Variants in TUSC3 observed in about 807,000 individuals in gnomAD.
TUSC3 encodes the protein dolichyl-diphosphooligosaccharide--protein glycosyltransferase subunit TUSC3.
Under a neutral mutation model 44.8 loss-of-function variants are expected in TUSC3, and 45 were observed. The observed-to-expected ratio is 1.00, with a 90% CI of 0.79 to 1.29. The LOEUF (loss-of-function observed/expected upper bound fraction) is 1.29, where lower values mean the gene tolerates loss of function less well. TUSC3 is among the 50% of genes most tolerant of loss of function. The pLI, the probability that TUSC3 is intolerant of heterozygous loss-of-function variation, is 0.00. For synonymous variants in TUSC3, 212 were observed against 152.9 expected, an observed-to-expected ratio of 1.39 and a Z score of -2.85; for missense variants, 519 against 437.9, an observed-to-expected ratio of 1.19 and a Z score of -1.65.
chr8:15,603,281 C>G (rs965596988), intron 1 of TUSC3, among the ~76,000 whole-genome samples: 1 of 151,652 alleles, frequency 6.6e-6, no homozygotes, highest in African/African-American at 2.4e-5. Context: ...CATTAAACAT[C>G]ATGGATATGA....
chr8:15,446,554 C>G (rs1233787241), intron 1 of TUSC3, among the ~76,000 whole-genome samples: 2 of 151,964 alleles, frequency 1.3e-5, no homozygotes, highest in East Asian at 1.9e-4. Context: ...GGCGAAACCC[C>G]GTCTCCACCA....
chr8:15,483,748 C>G (rs182255567), intron 2 of TUSC3, among the ~76,000 whole-genome samples: 1 of 149,728 alleles, frequency 6.7e-6, no homozygotes, highest in Non-Finnish European at 1.5e-5. Context: ...CTCCGCCTCC[C>G]GAGTTCATGC....
At chr8:15,848,404 T>C in the TUSC3 span, among the ~76,000 whole-genome samples, 2 of 152,220 alleles carry the variant, frequency 1.3e-5, no homozygotes, top group African/African-American at 4.8e-5. Context: ...ACAGGATGTC[T>C]TTCCATGCTT....
intron 2 of TUSC3, among the ~76,000 whole-genome samples, chr8:15,528,539 A>G (rs4430095): frequency 0.91 from 138,022 of 152,188 alleles, 62,930 homozygotes; most frequent in South Asian, 0.96. Flanking sequence ...GCAAACTCAT[A>G]TCTGTCCAAG....
chr8:15,794,808 C>T, the TUSC3 span, among the ~76,000 whole-genome samples: 12 of 152,232 alleles, frequency 7.9e-5, 1 homozygote, highest in South Asian at 2.3e-3. Flanking sequence ...TTATACGAGA[C>T]AGCAAATACG....
At chr8:15,434,799 G>A (rs1216810594) in intron 1 of TUSC3, among the ~76,000 whole-genome samples, 2 of 151,670 alleles carry the variant, frequency 1.3e-5, no homozygotes, top group African/African-American at 4.9e-5. Flanking sequence ...GGTTTTTTGT[G>A]CTTGCAATAG....
intron 1 of TUSC3, among the ~76,000 whole-genome samples, chr8:15,614,288 C>A (rs142750696): frequency 2.6e-5 from 4 of 151,810 alleles, no homozygotes; most frequent in East Asian, 1.9e-4. Context: ...TGCCCACTAG[C>A]CTTTATGTAG....
rs189588036 is a variant in TUSC3 at position 15,446,324 on chromosome 8, G to T, written n.91+29019G>T. Among the ~76,000 whole-genome samples the T allele has an allele frequency of 3.6e-3, 545 of 152,038 alleles. 2 individuals are homozygous for T. The highest frequency in any genetic ancestry group is 0.012 in the African/African-American group (505 of 41,494). ...AGATGCTCCTTACTTCCCAGACGGG[G>T]TGGCGGCCGGGCAGAGGCTGCAATC... is the stretch of plus-strand genomic sequence containing the variant. On this transcript the variant is annotated intron_variant and non_coding_transcript_variant, in intron 1 of 5. Coordinates refer to the TUSC3 transcript ENST00000503191.
intron 6 of TUSC3, among the ~76,000 whole-genome samples, chr8:15,712,564 T>G (rs2129200306): frequency 6.6e-6 from 1 of 152,194 alleles, no homozygotes; most frequent in African/African-American, 2.4e-5. Flanking sequence ...AAAAAGGATT[T>G]ACGTGGTCTC....
intron 1 of TUSC3, among the ~76,000 whole-genome samples, chr8:15,555,963 A>G (rs1802246587): frequency 6.6e-6 from 1 of 151,426 alleles, no homozygotes. Flanking sequence ...AACCATTAGA[A>G]AATAGAGGTA....
At chr8:15,611,438 C>T (rs141723902) in intron 1 of TUSC3, among the ~76,000 whole-genome samples, 2,487 of 152,258 alleles carry the variant, frequency 0.016, 77 homozygotes, top group African/African-American at 0.056. Context: ...CTGCCCGCAC[C>T]GGCCTCCCAA....
chr8:15,835,682 A>G, the TUSC3 span, among the ~76,000 whole-genome samples: 1 of 152,092 alleles, frequency 6.6e-6, no homozygotes, highest in Non-Finnish European at 1.5e-5. Flanking sequence ...TATTTTTGGA[A>G]TGCTCTGTGC....
At chr8:15,480,546 A>T (rs964668255) in intron 1 of TUSC3, among the ~76,000 whole-genome samples, 1 of 152,150 alleles carries the variant, frequency 6.6e-6, no homozygotes, top group Non-Finnish European at 1.5e-5. Context: ...GTCTGATTTG[A>T]TTCTTTCTTA....
At chr8:15,768,072 A>C (rs559142073), downstream of TUSC3, among the ~76,000 whole-genome samples, 2 of 152,190 alleles carry the variant, frequency 1.3e-5, no homozygotes, top group South Asian at 2.1e-4. Flanking sequence ...AGACTAAAAC[A>C]GTGGTAAACA....
chr8:15,582,446 A>G (rs530714689), intron 1 of TUSC3, among the ~76,000 whole-genome samples: 3 of 152,320 alleles, frequency 2.0e-5, no homozygotes, highest in East Asian at 1.9e-4. Flanking sequence ...TCATGCTATA[A>G]TGAAGGACAT....
chr8:15,574,683 G>T (rs1017884764), intron 1 of TUSC3, among the ~76,000 whole-genome samples: 1 of 152,026 alleles, frequency 6.6e-6, no homozygotes, highest in African/African-American at 2.4e-5. Context: ...ATGAGAGCTA[G>T]CTTTTATTTG....
chr8:15,485,555 T>A (rs1175439183), intron 2 of TUSC3, among the ~76,000 whole-genome samples: 2 of 149,884 alleles, frequency 1.3e-5, no homozygotes, highest in African/African-American at 4.9e-5. Context: ...TCATTGGGCC[T>A]ACAAACACGA....
intron 6 of TUSC3, among the ~76,000 whole-genome samples, chr8:15,708,831 G>A (rs1008780523): frequency 1.1e-4 from 17 of 151,950 alleles, no homozygotes; most frequent in African/African-American, 3.6e-4. Flanking sequence ...GTCCAAATCC[G>A]TGTGTAAACT....
At chr8:15,467,240 T>C (rs1003550926) in intron 1 of TUSC3, among the ~76,000 whole-genome samples, 7 of 150,060 alleles carry the variant, frequency 4.7e-5, no homozygotes, top group Admixed American at 1.3e-4. Flanking sequence ...CATTATCTAC[T>C]GTCATTCAGT....
Sources: allele counts gnomAD v4.1 joint callset (sites outside exome capture counted in the v4.1 genomes callset), GRCh38; gene constraint gnomAD v4.1.1; transcripts MANE v1.5; gene names NCBI Gene and HGNC (gene_info 2026-07-23, HGNC 2026-07-21).